KHDRBS2: variants seen among roughly 807,000 people sequenced by gnomAD.
KHDRBS2 encodes the protein KH domain-containing, RNA-binding, signal transduction-associated protein 2.
Under a neutral mutation model 44.3 loss-of-function variants are expected in KHDRBS2, and 26 were observed. The ratio of observed to expected loss-of-function variants is 0.59; its 90% CI spans 0.43 to 0.81. The LOEUF (loss-of-function observed/expected upper bound fraction) is 0.81. Ranked by LOEUF, KHDRBS2 falls within the 40% of genes least tolerant of loss-of-function variation. The probability of loss-of-function intolerance (pLI) is 0.00; values close to 1 mark genes in which losing one functional copy is unlikely to be tolerated. For synonymous variants in KHDRBS2, 194 were observed against 151.1 expected (o/e 1.28, Z -2.08); for missense variants, 476 against 433.1 (o/e 1.10, Z -0.88).
chr6:62,045,137 C>A (rs918094178), intron 3 of KHDRBS2, among the ~76,000 whole-genome samples: 1 of 151,862 alleles, frequency 6.6e-6, no homozygotes, highest in Non-Finnish European at 1.5e-5. Flanking sequence ...ACAAGAGGAT[C>A]CAGTCACAGA....
chr6:61,833,931 CA>C (rs1792241777), intron 6 of KHDRBS2, among the ~76,000 whole-genome samples: 1 of 152,024 alleles, frequency 6.6e-6, no homozygotes, highest in South Asian at 2.1e-4. Context: ...GATTGTGCCA[CA>C]AGTGTTTCTA....
intron 2 of KHDRBS2, among the ~76,000 whole-genome samples, chr6:62,056,117 C>T (rs1407599185): frequency 2.0e-5 from 3 of 151,860 alleles, no homozygotes; most frequent in Non-Finnish European, 2.9e-5. Flanking sequence ...TTATATTAGC[C>T]TTGAATTGTG....
intron 1 of KHDRBS2, among the ~76,000 whole-genome samples, chr6:62,246,558 G>A (rs1835611437): frequency 6.6e-6 from 1 of 151,940 alleles, no homozygotes; most frequent in South Asian, 2.1e-4. Flanking sequence ...AAAGAAATAA[G>A]AACCTTTCAG....
the KHDRBS2 span, among the ~76,000 whole-genome samples, chr6:61,546,656 G>A: frequency 1.3e-5 from 2 of 152,076 alleles, no homozygotes; most frequent in African/African-American, 4.8e-5. Flanking sequence ...TTTATCCCAT[G>A]TTTGGTGAAT....
chr6:61,785,366 G>T (rs1783642883), intron 6 of KHDRBS2, among the ~76,000 whole-genome samples: 1 of 151,942 alleles, frequency 6.6e-6, no homozygotes, highest in African/African-American at 2.4e-5. Context: ...CCTATTTTTT[G>T]TAAGAGTATA....
At chr6:61,589,586 T>C in the KHDRBS2 span, among the ~76,000 whole-genome samples, 1 of 152,190 alleles carries the variant, frequency 6.6e-6, no homozygotes, top group Non-Finnish European at 1.5e-5. Context: ...CACTCAAACA[T>C]ATTCAGAATA....
At chr6:61,897,128 A>G (rs916515131) in intron 5 of KHDRBS2, among the ~76,000 whole-genome samples, 21 of 152,050 alleles carry the variant, frequency 1.4e-4, no homozygotes, top group African/African-American at 4.8e-4. Context: ...TGTGTTCCTT[A>G]TATCAGAAGT....
chr6:62,071,601 C>T (rs1242456715), intron 2 of KHDRBS2, among the ~76,000 whole-genome samples: 2 of 152,148 alleles, frequency 1.3e-5, no homozygotes, highest in Non-Finnish European at 2.9e-5. Context: ...ATAGGGAATC[C>T]TTTCCCCATT....
At chr6:62,052,191 T>C (rs1346839479) in intron 2 of KHDRBS2, among the ~76,000 whole-genome samples, 2 of 152,062 alleles carry the variant, frequency 1.3e-5, no homozygotes, top group Non-Finnish European at 1.5e-5. Context: ...CTTTAATGTT[T>C]ATTGTAGCAT....
intron 1 of KHDRBS2, among the ~76,000 whole-genome samples, chr6:62,269,691 T>A (rs969127494): frequency 1.3e-5 from 2 of 152,012 alleles, no homozygotes; most frequent in Admixed American, 1.3e-4. Context: ...CCATATATTA[T>A]AATAAAAGGT....
rs375959553 is a variant in KHDRBS2 at position 62,264,946 on chromosome 6, C to T, written c.91+20912G>A. Among the ~76,000 whole-genome samples, 307 of 151,862 alleles carry T rather than the reference C, an allele frequency of 2.0e-3. 10 individuals carry two copies. The South Asian group carries it at 0.06, about 30-fold the overall frequency. On this transcript the variant is annotated intron_variant, in intron 1 of 8. Transcript: ENST00000281156. Reference sequence around the variant, plus strand: ...AATAGCTAGTATCCTGTTTCACATCCCTGCCCCTACCCACTGAAACTCATC... The same window carrying T: ...AATAGCTAGTATCCTGTTTCACATCTCTGCCCCTACCCACTGAAACTCATC...
intron 1 of KHDRBS2, among the ~76,000 whole-genome samples, chr6:62,283,767 A>C (rs1842110894): frequency 6.6e-6 from 1 of 152,160 alleles, no homozygotes; most frequent in African/African-American, 2.4e-5. Context: ...TGAGATTCCA[A>C]GAACAATCAT....
At chr6:62,002,084 T>C (rs543044122) in intron 3 of KHDRBS2, among the ~76,000 whole-genome samples, 291 of 152,204 alleles carry the variant, frequency 1.9e-3, no homozygotes, top group African/African-American at 4.0e-3. Flanking sequence ...AGCACCTTTT[T>C]TGATTACCTT....
At chr6:62,059,569 T>G (rs543609550) in intron 2 of KHDRBS2, among the ~76,000 whole-genome samples, 51 of 151,766 alleles carry the variant, frequency 3.4e-4, no homozygotes, top group African/African-American at 1.1e-3. Flanking sequence ...CACAGATAAT[T>G]AGAAAGATAG....
chr6:61,973,374 G>T (rs1447643924), intron 4 of KHDRBS2, among the ~76,000 whole-genome samples: 1 of 152,048 alleles, frequency 6.6e-6, no homozygotes. Context: ...TCCAATTTCA[G>T]AACTAGGATT....
chr6:62,268,642 C>T (rs2150186710), intron 1 of KHDRBS2, among the ~76,000 whole-genome samples: 1 of 152,062 alleles, frequency 6.6e-6, no homozygotes, highest in African/African-American at 2.4e-5. Flanking sequence ...TCTAAGCTTA[C>T]ACGGTCCTTT....
At chr6:61,620,932 A>G in the KHDRBS2 span, among the ~76,000 whole-genome samples, 5 of 152,296 alleles carry the variant, frequency 3.3e-5, no homozygotes, top group East Asian at 9.7e-4. Context: ...TGCAATCTGA[A>G]GTCTCCTTCT....
intron 6 of KHDRBS2, among the ~76,000 whole-genome samples, chr6:61,795,115 G>A (rs62416606): frequency 0.38 from 53,250 of 140,872 alleles, 11,064 homozygotes; most frequent in African/African-American, 0.57. Flanking sequence ...CTCCAGCCTG[G>A]CGACTGGCAA....
At chr6:62,194,337 T>C (rs536030566) in intron 1 of KHDRBS2, among the ~76,000 whole-genome samples, 16 of 152,024 alleles carry the variant, frequency 1.1e-4, no homozygotes, top group Non-Finnish European at 2.1e-4. Flanking sequence ...TTTTTCCACA[T>C]TGAATGCTCT....
Sources: gnomAD v4.1 joint callset for allele counts (sites outside exome capture counted in the v4.1 genomes callset) on GRCh38, gnomAD v4.1.1 for gene constraint, MANE v1.5 for transcripts, NCBI Gene and HGNC (gene_info 2026-07-23, HGNC 2026-07-21) for gene names.